Variants in ADAMTS12 observed in about 807,000 individuals in gnomAD.
The protein encoded by ADAMTS12 is ADAM metallopeptidase with thrombospondin type 1 motif 12.
In ADAMTS12, 118 loss-of-function variants were observed where a neutral mutation model predicts 167.8. The observed-to-expected ratio is 0.70, with a 90% CI of 0.61 to 0.82. ADAMTS12 has a LOEUF of 0.82. Among genes scored for constraint, ADAMTS12 ranks in the 40% least tolerant of loss-of-function variants. ADAMTS12 has a pLI of 0.00. For missense variants in ADAMTS12, 1,916 were observed against 1,998.8 expected, an observed-to-expected ratio of 0.96 and a Z score of 0.79; for synonymous variants, 704 against 716.9, an observed-to-expected ratio of 0.98 and a Z score of 0.29.
intron 2 of ADAMTS12, among the ~76,000 whole-genome samples, chr5:33,828,137 G>A (rs1388386447): frequency 6.6e-6 from 1 of 152,132 alleles, no homozygotes; most frequent in East Asian, 1.9e-4. Flanking sequence ...GGTCACACCA[G>A]GCTACTCCCC....
chr5:33,880,759 G>A (rs909577891), intron 2 of ADAMTS12: 1 of 234,308 alleles, frequency 4.3e-6, no homozygotes, highest in Non-Finnish European at 8.4e-6. Flanking sequence ...TCCAAATCTA[G>A]GTTCTGCTCA....
chr5:33,762,247 G>A (rs1160212959), intron 2 of ADAMTS12, among the ~76,000 whole-genome samples: 5 of 151,836 alleles, frequency 3.3e-5, no homozygotes, highest in East Asian at 3.9e-4. Context: ...AGTGGCTCAC[G>A]CATGTAATCC....
chr5:33,687,078 TAAGAC>T (rs1742361358), intron 3 of ADAMTS12, among the ~76,000 whole-genome samples: 2 of 110,468 alleles, frequency 1.8e-5, no homozygotes, highest in African/African-American at 6.2e-5. Flanking sequence ...CTGAGCTAAC[TAAGAC>T]ATGAGTTTTT....
chr5:33,807,607 T>C (rs1747287798), intron 2 of ADAMTS12, among the ~76,000 whole-genome samples: 1 of 152,202 alleles, frequency 6.6e-6, no homozygotes, highest in Non-Finnish European at 1.5e-5. Flanking sequence ...TTCATAATCA[T>C]TGGTTGGCTT....
intron 3 of ADAMTS12, among the ~76,000 whole-genome samples, chr5:33,744,124 C>T (rs1744699385): frequency 6.6e-6 from 1 of 152,164 alleles, no homozygotes; most frequent in African/African-American, 2.4e-5. Context: ...GGGAACACCC[C>T]TGGGCATAAG....
chr5:33,809,983 G>GAAA lies in ADAMTS12; in HGVS notation c.490-58438_490-58436dup, dbSNP rs202032209. Reference sequence around the variant, plus strand: ...ATTTTAATCCTTAAGAAGTTTAACAGAAAAAAAAAAAAAAAAAACAGATTA... The same window carrying GAAA: ...ATTTTAATCCTTAAGAAGTTTAACAGAAAAAAAAAAAAAAAAAAAAACAGATTA... On this transcript the variant is annotated intron_variant, in intron 2 of 23. Transcript: ENST00000504830. Among the ~76,000 whole-genome samples the GAAA allele has an allele frequency of 7.8e-3, 915 of 118,042 alleles. 22 individuals carry two copies. Among genetic ancestry groups the GAAA allele is most frequent in the African/African-American group, 0.021 (646 of 30,420 alleles). The allele number at this position is 118,042 out of a possible 152,430, so 77.4% of individuals were successfully genotyped here.
At chr5:33,534,004 G>GT (rs1422147596) in intron 23 of ADAMTS12, among the ~76,000 whole-genome samples, 1 of 152,152 alleles carries the variant, frequency 6.6e-6, no homozygotes, top group East Asian at 1.9e-4. Context: ...TCACTTCTCT[G>GT]TTTTTAATTT....
intron 2 of ADAMTS12, among the ~76,000 whole-genome samples, chr5:33,785,473 TTG>T (rs1746294252): frequency 6.6e-6 from 1 of 151,974 alleles, no homozygotes; most frequent in Admixed American, 6.6e-5. Flanking sequence ...ACGTGTGTGT[TTG>T]TGTGTGTGCA....
chr5:33,650,695 C>T (rs1487440130), intron 7 of ADAMTS12, among the ~76,000 whole-genome samples: 5 of 152,176 alleles, frequency 3.3e-5, no homozygotes, highest in South Asian at 2.1e-4. Context: ...CACCATGGCA[C>T]GAGGGTGCCT....
At chr5:33,719,414 AC>A (rs1743731417) in intron 3 of ADAMTS12, among the ~76,000 whole-genome samples, 1 of 152,150 alleles carries the variant, frequency 6.6e-6, no homozygotes, top group South Asian at 2.1e-4. Context: ...CTGTTTTTGG[AC>A]CTCAATTTGG....
chr5:33,665,380 A>G (rs964032489), intron 5 of ADAMTS12, among the ~76,000 whole-genome samples: 1 of 152,224 alleles, frequency 6.6e-6, no homozygotes, highest in African/African-American at 2.4e-5. Context: ...CTAACAGAGT[A>G]GATTTTAAGT....
At chr5:33,685,393 C>T (rs1742286854) in intron 3 of ADAMTS12, among the ~76,000 whole-genome samples, 1 of 152,216 alleles carries the variant, frequency 6.6e-6, no homozygotes, top group Admixed American at 6.5e-5. Context: ...GACTATACCT[C>T]CTCCTGAGGC....
At chr5:33,765,012 AG>A (rs142093118) in intron 2 of ADAMTS12, among the ~76,000 whole-genome samples, 80 of 152,342 alleles carry the variant, frequency 5.3e-4, no homozygotes, top group African/African-American at 1.9e-3. Flanking sequence ...CAAGCTAGGC[AG>A]GAAGTCCTGG....
intron 2 of ADAMTS12, among the ~76,000 whole-genome samples, chr5:33,874,285 T>C (rs1260255822): frequency 6.6e-6 from 1 of 152,164 alleles, no homozygotes; most frequent in African/African-American, 2.4e-5. Flanking sequence ...GGAACCTCAC[T>C]GAAGAAGATA....
chr5:33,763,651 G>A (rs1745432414), intron 2 of ADAMTS12, among the ~76,000 whole-genome samples: 1 of 152,206 alleles, frequency 6.6e-6, no homozygotes, highest in Admixed American at 6.5e-5. Context: ...TGACATTAGG[G>A]CATTGGCCGT....
At chr5:33,794,039 C>T (rs1561275684) in intron 2 of ADAMTS12, among the ~76,000 whole-genome samples, 1 of 152,170 alleles carries the variant, frequency 6.6e-6, no homozygotes, top group Non-Finnish European at 1.5e-5. Context: ...CCCCATGAAT[C>T]CCTGTGGTGC....
intron 5 of ADAMTS12, among the ~76,000 whole-genome samples, chr5:33,663,150 G>A (rs1298533725): frequency 5.3e-5 from 8 of 152,224 alleles, no homozygotes; most frequent in South Asian, 4.1e-4. Flanking sequence ...GGCTCATCAC[G>A]TGCTAAAAGT....
chr5:33,759,159 A>G (rs1215151776), intron 2 of ADAMTS12, among the ~76,000 whole-genome samples: 2 of 152,190 alleles, frequency 1.3e-5, no homozygotes, highest in Non-Finnish European at 2.9e-5. Context: ...GGCCTGAGTA[A>G]TTGGTTCTTA....
chr5:33,632,307 T>C (rs566991216), intron 12 of ADAMTS12, among the ~76,000 whole-genome samples: 112 of 152,116 alleles, frequency 7.4e-4, no homozygotes, highest in African/African-American at 2.7e-3. Context: ...TGTTCAATAT[T>C]TGGGTGCTAG....
Sources: gnomAD v4.1 joint callset for allele counts (sites outside exome capture counted in the v4.1 genomes callset) on GRCh38, gnomAD v4.1.1 for gene constraint, MANE v1.5 for transcripts, NCBI Gene and HGNC (gene_info 2026-07-23, HGNC 2026-07-21) for gene names.